PM20D1: variants seen among roughly 807,000 people sequenced by gnomAD.
PM20D1 encodes peptidase M20 domain containing 1.
A neutral mutation model predicts 53.8 loss-of-function variants in PM20D1; 53 were observed. The ratio of observed to expected loss-of-function variants is 0.98; its 90% CI spans 0.79 to 1.24. The LOEUF (loss-of-function observed/expected upper bound fraction) is 1.24, where lower values mean the gene tolerates loss of function less well. Among genes scored for constraint, PM20D1 ranks in the 50% most tolerant of loss-of-function variants. The probability of loss-of-function intolerance (pLI) is 0.00; values close to 1 mark genes in which losing one functional copy is unlikely to be tolerated. For missense variants in PM20D1, 564 were observed against 616.8 expected, an observed-to-expected ratio of 0.91 and a Z score of 0.91; for synonymous variants, 239 against 241.3, an observed-to-expected ratio of 0.99 and a Z score of 0.09.
chr1:205,847,946 A>C lies in PM20D1; in HGVS notation c.195T>G (p.Thr65=), dbSNP rs1194858867. The change falls in exon 2 of 13, where the codon ACT becomes ACG. Residue 65 remains threonine, a synonymous_variant. Transcript: ENST00000367136. ...TAGTATTGGACTTCTCAGAGCTAAA[A>C]GTCACTGTTGGAATCTGGATGGCAC... The part of the protein sequence containing the change: ...LKGAIQIPTV[T]FSSEKSNTTA... The C allele has an allele frequency of 1.3e-6, 2 of 1,599,208 alleles. No individual in the cohort carries two copies. Among genetic ancestry groups the C allele is most frequent in the Non-Finnish European group, 1.7e-6 (2 of 1,173,238 alleles).
chr1:205,840,020 A>G (rs1571674025), intron 10 of PM20D1, among the ~76,000 whole-genome samples: 1 of 151,762 alleles, frequency 6.6e-6, no homozygotes, highest in Non-Finnish European at 1.5e-5. Flanking sequence ...GTTTGTTACT[A>G]TAGGTATTGC....
In PM20D1 at chr1:205,850,009, C is replaced by T; in HGVS notation, c.64G>A (p.Val22Ile). 2.5e-6 allele frequency: 4 copies of T among 1,614,128 alleles called. No homozygotes were observed. Among genetic ancestry groups the T allele is most frequent in the Non-Finnish European group, 2.5e-6 (3 of 1,180,012 alleles). The change falls in exon 1 of 13, where the codon GTC (valine) becomes ATC (isoleucine). Residue 22 changes from valine to isoleucine, a missense_variant. Transcript: ENST00000367136. The stretch of plus-strand genomic sequence containing the variant: ...CTCCTCGGGCCCATCGATCTGGAGA[C>T]GGTAGGGAAAACTAGGAGCAGCATA... ...VAMLLLVFPT[V>I]SRSMGPRSGE...
chr1:205,835,118 G>A (rs1206404686), intron 10 of PM20D1, among the ~76,000 whole-genome samples: 3 of 152,208 alleles, frequency 2.0e-5, no homozygotes, highest in Admixed American at 2.0e-4. Context: ...TAGAGGTGGT[G>A]TGGAGTATAA....
intron 5 of PM20D1, 129 bp downstream of exon 5, chr1:205,843,958 G>C: frequency 6.8e-7 from 1 of 1,476,010 alleles, no homozygotes; most frequent in Non-Finnish European, 9.1e-7. Flanking sequence ...AGAGGTTAAA[G>C]ATTGGGGCGA....
chr1:205,839,630 G>T (rs1391839842), intron 10 of PM20D1, among the ~76,000 whole-genome samples: 1 of 151,998 alleles, frequency 6.6e-6, no homozygotes, highest in East Asian at 1.9e-4. Flanking sequence ...TGGCTCACAA[G>T]GTCAGGAGAT....
At position 205,844,798 on chromosome 1, in the gene PM20D1, G is replaced by A; in HGVS notation, c.576+13C>T. 6.2e-7 allele frequency: 1 copy of A among 1,610,242 alleles called. No individual in the cohort carries two copies. ...CAGAGGACAGAGATAGGTATAAGGT[G>A]AGGAGGCTCTACCTCCTCATCATGG... On this transcript the variant is annotated intron_variant, in intron 4 of 12. Coordinates refer to ENST00000367136, the MANE Select transcript of PM20D1 (RefSeq NM_152491.5).
rs1656590963 is a variant in PM20D1 at position 205,832,773 on chromosome 1, G to A, written c.1117-7C>T. 3.8e-6 allele frequency: 6 copies of A among 1,564,418 alleles called. No homozygotes were observed. Among genetic ancestry groups the A allele is most frequent in the Non-Finnish European group, 4.3e-6 (5 of 1,155,638 alleles). Reference sequence around the variant, plus strand: ...TCTTCGTGAGTTCTAGGACCTCCAGGGTAGAAACAAAGGGGGTTCGATTTC... The same window carrying A: ...TCTTCGTGAGTTCTAGGACCTCCAGAGTAGAAACAAAGGGGGTTCGATTTC... On this transcript the variant is annotated splice_polypyrimidine_tract_variant and splice_region_variant and intron_variant, in intron 10 of 12. Transcript: ENST00000367136.
Position 205,845,455 on chromosome 1 carries a change from T to A in PM20D1, c.359A>T (p.Tyr120Phe). 1.9e-6 allele frequency: 3 copies of A among 1,614,186 alleles called. No homozygotes were observed. The South Asian group carries it at 3.3e-5, about 18-fold the overall frequency. ...IQGSDPSLQP[Y>F]LLMAHFDVVP... ...CACATCAAAGTGAGCCATCAGCAGG[T>A]AGGGCTGCAAGCTGGGGTCCGAGCC... Residue 120 changes from tyrosine to phenylalanine, a missense_variant, in exon 3 of 13, where the codon TAC (tyrosine) becomes TTC (phenylalanine). Tyr to Phe is a conservative substitution (Grantham distance 22). Transcript: ENST00000367136.
intron 6 of PM20D1, 109 bp from the exon 7 acceptor site, chr1:205,842,860 A>C: frequency 1.1e-6 from 1 of 910,246 alleles, no homozygotes; most frequent in East Asian, 2.5e-5. Flanking sequence ...CCTGGCCAAG[A>C]GGTCTCTCAT....
Position 205,832,619 on chromosome 1 carries a change from C to T in PM20D1, c.1264G>A (p.Glu422Lys). 2.5e-6 allele frequency: 4 copies of T among 1,614,170 alleles called. No homozygotes were observed. The highest frequency in any genetic ancestry group is 4.5e-5 in the East Asian group (2 of 44,880). ...TTACCTGGGGCAGTAATATTGACTT[C>T]CGGGAAGACGGACTGTACGGTCTGG... ...LRQTVQSVFPEVNITAPVTSI... is the reference protein window; with the variant it reads ...LRQTVQSVFPKVNITAPVTSI... The change falls in exon 11 of 13, where the codon GAA (glutamate) becomes AAA (lysine). Residue 422 changes from glutamate to lysine, a missense_variant. Coordinates refer to ENST00000367136, the MANE Select transcript of PM20D1 (RefSeq NM_152491.5).
rs367972392 is a variant in PM20D1, at chr1:205,849,517, T to A, written c.169+387A>T. On this transcript the variant is annotated intron_variant, in intron 1 of 12. Transcript: ENST00000367136. ...CTCTCCTTTGTAGATAAGACTAATA[T>A]CATTTGTCTTATTTTACGACACCGC... Among the ~76,000 whole-genome samples the A allele has an allele frequency of 4.6e-5, 7 of 152,264 alleles. No homozygotes were observed. The East Asian group carries it at 1.4e-3, about 29-fold the overall frequency.
At chr1:205,838,056 T>C (rs1656723405) in intron 10 of PM20D1, among the ~76,000 whole-genome samples, 2 of 151,972 alleles carry the variant, frequency 1.3e-5, no homozygotes. Flanking sequence ...TTCTCCCCGC[T>C]CTACAATGAG....
chr1:205,850,103 C>T lies in PM20D1; in HGVS notation c.-31G>A, dbSNP rs774978621. 3 of 1,600,290 alleles carry T rather than the reference C, an allele frequency of 1.9e-6. No homozygotes were observed. Among genetic ancestry groups the T allele is most frequent in the Non-Finnish European group, 2.6e-6 (3 of 1,171,592 alleles). ...TCTCGAGCTCCTGCTGTCAGGCTAC[C>T]GGGGTAGTTCTGACCTAAACGCCCA... On this transcript the variant is annotated 5_prime_UTR_variant, in exon 1 of 13. Transcript: ENST00000367136.
chr1:205,844,270 C>A, intron 4 of PM20D1, 53 bp from the exon 5 acceptor site: 1 of 1,526,630 alleles, frequency 6.6e-7, no homozygotes. Context: ...GACAGACCTC[C>A]AGACATAGCT....
chr1:205,837,463 A>G (rs1656707524), intron 10 of PM20D1, among the ~76,000 whole-genome samples: 2 of 152,140 alleles, frequency 1.3e-5, no homozygotes, highest in East Asian at 1.9e-4. Flanking sequence ...TTCCTCACAG[A>G]TAGGTGCTGG....
intron 10 of PM20D1, among the ~76,000 whole-genome samples, chr1:205,835,674 A>G (rs922712191): frequency 1.0e-4 from 15 of 150,514 alleles, no homozygotes; most frequent in Middle Eastern, 3.5e-3. Flanking sequence ...AAAAAAAAAA[A>G]AAGGTGTAAT....
chr1:205,834,353 G>T (rs1558090770), intron 10 of PM20D1, among the ~76,000 whole-genome samples: 1 of 152,022 alleles, frequency 6.6e-6, no homozygotes, highest in East Asian at 1.9e-4. Context: ...ACGGGGTTTT[G>T]CCATGTTGGC....
intron 11 of PM20D1, 40 bp downstream of exon 11, chr1:205,832,558 G>T (rs779728730): frequency 6.2e-7 from 1 of 1,606,680 alleles, no homozygotes; most frequent in Non-Finnish European, 8.5e-7. Context: ...AACAGTTCCA[G>T]CCCCCTCCTC....
chr1:205,838,857 A>C (rs561634543), intron 10 of PM20D1, among the ~76,000 whole-genome samples: 2 of 152,134 alleles, frequency 1.3e-5, no homozygotes, highest in East Asian at 3.9e-4. Context: ...CTCCATACCC[A>C]TATACATACC....
Sources: allele counts gnomAD v4.1 joint callset (sites outside exome capture counted in the v4.1 genomes callset), GRCh38; gene constraint gnomAD v4.1.1; transcripts MANE v1.5; gene names NCBI Gene and HGNC (gene_info 2026-07-23, HGNC 2026-07-21).